The following TENM3 variants were observed in gnomAD, a reference collection of about 807,000 sequenced individuals.
The protein encoded by TENM3 is teneurin-3.
TENM3 carries 63 observed loss-of-function variants against 255.1 expected under a neutral mutation model. The ratio of observed to expected loss-of-function variants is 0.25; its 90% CI spans 0.20 to 0.30. The LOEUF is 0.30. Ranked by LOEUF, TENM3 falls within the 10% of genes least tolerant of loss-of-function variation. The pLI, the probability that TENM3 is intolerant of heterozygous loss-of-function variation, is 1.00. For synonymous variants in TENM3, 1,306 were observed against 1,322.3 expected, an observed-to-expected ratio of 0.99 and a Z score of 0.27; for missense variants, 2,929 against 3,461.1, an observed-to-expected ratio of 0.85 and a Z score of 3.86.
At chr4:181,988,338 G>C in the TENM3 span, among the ~76,000 whole-genome samples, 3 of 151,906 alleles carry the variant, frequency 2.0e-5, no homozygotes, top group African/African-American at 7.3e-5. Flanking sequence ...ACCTCTCGTA[G>C]CAACCCCTTA....
chr4:182,145,429 A>G (rs1749891783), intron 1 of TENM3, among the ~76,000 whole-genome samples: 1 of 152,110 alleles, frequency 6.6e-6, no homozygotes, highest in Non-Finnish European at 1.5e-5. Context: ...TGCAACTGAG[A>G]TTCTAAGTCC....
intron 3 of TENM3, among the ~76,000 whole-genome samples, chr4:182,478,506 T>C (rs1733892129): frequency 6.6e-6 from 1 of 152,010 alleles, no homozygotes; most frequent in South Asian, 2.1e-4. Context: ...GTGTAAAATT[T>C]TGCTGTACTA....
the TENM3 span, among the ~76,000 whole-genome samples, chr4:181,672,364 C>T: frequency 6.6e-6 from 1 of 152,114 alleles, no homozygotes; most frequent in Non-Finnish European, 1.5e-5. Flanking sequence ...ACTAGCTTTT[C>T]AAACAAAAAG....
At chr4:181,694,237 A>C in the TENM3 span, among the ~76,000 whole-genome samples, 82 of 152,348 alleles carry the variant, frequency 5.4e-4, no homozygotes, top group Non-Finnish European at 1.1e-3. Context: ...CCTACATCAG[A>C]AAAACCTGAG....
the TENM3 span, among the ~76,000 whole-genome samples, chr4:181,552,554 A>G: frequency 0.29 from 43,666 of 152,068 alleles, 6,545 homozygotes; most frequent in Middle Eastern, 0.39. Context: ...CACTTGTAAT[A>G]ATTTTCTATA....
chr4:181,717,152 CA>C, the TENM3 span, among the ~76,000 whole-genome samples: 2 of 152,124 alleles, frequency 1.3e-5, no homozygotes, highest in African/African-American at 4.8e-5. Context: ...CAGACAAGAT[CA>C]TTCACATAAT....
At chr4:182,174,449 T>G (rs1752317098) in intron 1 of TENM3, among the ~76,000 whole-genome samples, 1 of 149,678 alleles carries the variant, frequency 6.7e-6, no homozygotes, top group Non-Finnish European at 1.5e-5. Flanking sequence ...TTTTGTGTTT[T>G]TTTTTTTCTC....
At chr4:182,595,588 G>T (rs1315867626) in intron 3 of TENM3, among the ~76,000 whole-genome samples, 4 of 152,134 alleles carry the variant, frequency 2.6e-5, no homozygotes, top group Admixed American at 1.3e-4. Flanking sequence ...ACATGCAACT[G>T]TTAGGCTTTC....
At chr4:182,586,352 T>G (rs1746021350) in intron 3 of TENM3, among the ~76,000 whole-genome samples, 2 of 152,208 alleles carry the variant, frequency 1.3e-5, no homozygotes, top group Non-Finnish European at 2.9e-5. Context: ...CACGGGGCAT[T>G]GTCATATACG....
At chr4:181,990,884 G>A in the TENM3 span, among the ~76,000 whole-genome samples, 1 of 152,122 alleles carries the variant, frequency 6.6e-6, no homozygotes, top group African/African-American at 2.4e-5. Context: ...ATCACTGATA[G>A]GAAACAGATT....
the TENM3 span, among the ~76,000 whole-genome samples, chr4:182,125,428 T>C: frequency 6.6e-6 from 1 of 152,236 alleles, no homozygotes; most frequent in Non-Finnish European, 1.5e-5. Context: ...GATTTGGTAA[T>C]AATCCCAGTT....
intron 1 of TENM3, among the ~76,000 whole-genome samples, chr4:182,195,455 A>G (rs370719615): frequency 1.3e-5 from 2 of 152,236 alleles, no homozygotes; most frequent in South Asian, 2.1e-4. Context: ...CCTAGGCAAC[A>G]TAGCAAGAGC....
chr4:181,961,415 TG>T, the TENM3 span, among the ~76,000 whole-genome samples: 6 of 152,262 alleles, frequency 3.9e-5, no homozygotes, highest in African/African-American at 1.4e-4. Context: ...ATAGTTTTTG[TG>T]GTTTTTTGTT....
the TENM3 span, among the ~76,000 whole-genome samples, chr4:181,581,939 C>T: frequency 6.6e-6 from 1 of 152,118 alleles, no homozygotes; most frequent in Non-Finnish European, 1.5e-5. Flanking sequence ...CGCCATGTTA[C>T]CCAGGCTGGT....
At chr4:182,796,215 G>A (rs1766486333) in intron 26 of TENM3, among the ~76,000 whole-genome samples, 1 of 152,316 alleles carries the variant, frequency 6.6e-6, no homozygotes, top group South Asian at 2.1e-4. Flanking sequence ...GCATATCCTT[G>A]GGCAATCGCT....
chr4:182,258,835 T>C (rs1240803899), intron 1 of TENM3, among the ~76,000 whole-genome samples: 1 of 152,168 alleles, frequency 6.6e-6, no homozygotes. Flanking sequence ...TCATCCAGCA[T>C]TGGTTACATA....
chr4:182,690,383 T>G (rs905036043), intron 12 of TENM3, among the ~76,000 whole-genome samples: 1 of 152,200 alleles, frequency 6.6e-6, no homozygotes, highest in African/African-American at 2.4e-5. Flanking sequence ...TATCTTTTTG[T>G]GGCCATACAA....
chr4:181,484,769 C>A, the TENM3 span, among the ~76,000 whole-genome samples: 1 of 152,052 alleles, frequency 6.6e-6, no homozygotes, highest in Non-Finnish European at 1.5e-5. Flanking sequence ...GAATTAATTT[C>A]TTCCTCTTTG....
chr4:182,343,100 G>A (rs1764588764), intron 2 of TENM3, among the ~76,000 whole-genome samples: 2 of 152,070 alleles, frequency 1.3e-5, no homozygotes, highest in African/African-American at 4.8e-5. Flanking sequence ...AAAAAATGAT[G>A]CAGCCCACCT....
Sources: allele counts gnomAD v4.1 joint callset (sites outside exome capture counted in the v4.1 genomes callset), GRCh38; gene constraint gnomAD v4.1.1; transcripts MANE v1.5; gene names NCBI Gene and HGNC (gene_info 2026-07-23, HGNC 2026-07-21).